Variants in SEMA4B observed in about 807,000 individuals in gnomAD.
The protein encoded by SEMA4B is semaphorin-4B.
Under a neutral mutation model 88.1 loss-of-function variants are expected in SEMA4B, and 55 were observed. The observed-to-expected ratio is 0.62, with a 90% CI of 0.50 to 0.78. The LOEUF (loss-of-function observed/expected upper bound fraction) is 0.78. SEMA4B is among the 30% of genes least tolerant of loss of function. The pLI, the probability that SEMA4B is intolerant of heterozygous loss-of-function variation, is 0.00. For synonymous variants in SEMA4B, 525 were observed against 473.6 expected (o/e 1.11, Z -1.41); for missense variants, 1,062 against 1,111.9 (o/e 0.96, Z 0.64).
rs150106856 is a variant in SEMA4B at position 90,229,325 on chromosome 15, C to T, written c.*682C>T. 113 of 456,926 alleles carry T rather than the reference C, an allele frequency of 2.5e-4. No individual in the cohort carries two copies. Among genetic ancestry groups the T allele is most frequent in the African/African-American group, 1.8e-3 (90 of 50,200 alleles). 28.3% of individuals were successfully genotyped at this position (456,926 alleles called of 1,614,324 possible). The stretch of plus-strand genomic sequence containing the variant: ...GCTGTGGCCACACGAGAGGACAGCG[C>T]GAGCTCAGGAGAGATTTCGTGACAA... On this transcript the variant is annotated 3_prime_UTR_variant, in exon 14 of 14. Transcript: ENST00000411539.
chr15:90,202,723 C>T (rs1340103451), intron 1 of SEMA4B, among the ~76,000 whole-genome samples: 3 of 152,132 alleles, frequency 2.0e-5, no homozygotes, highest in Non-Finnish European at 2.9e-5. Context: ...CAGATGTATC[C>T]GCAAGCCCTT....
At position 90,219,773 on chromosome 15, in the gene SEMA4B, C is replaced by T. The variant is rs1177558880; in HGVS notation, c.385-20C>T. 5.0e-6 allele frequency: 8 copies of T among 1,600,926 alleles called. No homozygotes were observed. Among genetic ancestry groups the T allele is most frequent in the Non-Finnish European group, 6.8e-6 (8 of 1,170,264 alleles). On this transcript the variant is annotated intron_variant, in intron 3 of 13. Coordinates refer to ENST00000411539, the MANE Select transcript of SEMA4B (RefSeq NM_198925.4). ...CATGCTTGGGCGTGGGACTGATATC[C>T]CCTCGCTCCTTCCCCCCAGCGCGAC...
chr15:90,191,717 C>T (rs946707241), intron 1 of SEMA4B, among the ~76,000 whole-genome samples: 38 of 152,152 alleles, frequency 2.5e-4, no homozygotes, highest in Admixed American at 1.6e-3. Context: ...GTTTGGGGAA[C>T]GGAGATGAAG....
chr15:90,228,568 C>T lies in SEMA4B; in HGVS notation c.2439C>T (p.Ser813=). Residue 813 remains serine, a synonymous_variant, in exon 14 of 14, where the codon AGC becomes AGT. Coordinates refer to ENST00000411539, the MANE Select transcript of SEMA4B (RefSeq NM_198925.4). ...AGAGGCCACTCAGCATCCAAGACAG[C>T]TTCGTGGAGGTATCCCCAGTGTGCC... ...SEKRPLSIQD[S]FVEVSPVCPR... 1 of 1,613,604 alleles carries T rather than the reference C, an allele frequency of 6.2e-7. No individual in the cohort carries two copies. The highest frequency in any genetic ancestry group is 1.7e-4 in the Middle Eastern group (1 of 6,060).
upstream of SEMA4B, chr15:90,201,262 A>C: frequency 9.7e-7 from 1 of 1,031,214 alleles, no homozygotes; most frequent in Non-Finnish European, 1.2e-6. Flanking sequence ...CCCGGGAAGG[A>C]GGAAGGGGGA....
Position 90,228,779 on chromosome 15 carries a change from C to A in SEMA4B, c.*136C>A. ...CGGCCCTTGGGAGCCTTGGGGCCAG[C>A]TGGCCTGCTGCTCTCCAGTCAAGTA... is the stretch of plus-strand genomic sequence containing the variant. On this transcript the variant is annotated 3_prime_UTR_variant, in exon 14 of 14. Coordinates refer to ENST00000411539, the MANE Select transcript of SEMA4B (RefSeq NM_198925.4). 1 of 1,133,992 alleles carries A rather than the reference C, an allele frequency of 8.8e-7. No individual in the cohort carries two copies. The highest frequency in any genetic ancestry group is 1.2e-6 in the Non-Finnish European group (1 of 811,362). 70.2% of individuals were successfully genotyped at this position (1,133,992 alleles called of 1,614,324 possible). A position where few individuals can be genotyped will look rare whatever the true frequency, so the allele number is the denominator to read the frequency against.
upstream of SEMA4B, among the ~76,000 whole-genome samples, chr15:90,200,983 C>T (rs560557820): frequency 1.3e-5 from 2 of 152,312 alleles, no homozygotes; most frequent in South Asian, 4.1e-4. Context: ...GGGAGGAGAC[C>T]AAGGCCTAAT....
At chr15:90,205,399 G>A (rs1198512518) in intron 1 of SEMA4B, among the ~76,000 whole-genome samples, 1 of 152,202 alleles carries the variant, frequency 6.6e-6, no homozygotes, top group Non-Finnish European at 1.5e-5. Flanking sequence ...CTATGGGCCA[G>A]CATCTCTTTG....
At position 90,201,800 on chromosome 15, in the gene SEMA4B, C is replaced by T. The variant is rs1203041037; in HGVS notation, c.157+65C>T. 3.7e-6 allele frequency: 5 copies of T among 1,349,102 alleles called. No individual in the cohort carries two copies. In the African/African-American group the frequency reaches 7.7e-5, roughly 21 times the overall value. 83.6% of individuals were successfully genotyped at this position (1,349,102 alleles called of 1,614,324 possible). A position where few individuals can be genotyped will look rare whatever the true frequency, so the allele number is the denominator to read the frequency against. The stretch of plus-strand genomic sequence containing the variant: ...AAGGCTGCCGGGGACGTGCCTCGTG[C>T]GGAGGTGGCCGTGACAAAGGACCAA... On this transcript the variant is annotated intron_variant, in intron 1 of 13. Transcript: ENST00000411539.
At chr15:90,189,933 G>C (rs1239838767) in intron 1 of SEMA4B, among the ~76,000 whole-genome samples, 1 of 152,188 alleles carries the variant, frequency 6.6e-6, no homozygotes, top group Non-Finnish European at 1.5e-5. Context: ...GAGGTGGCTG[G>C]GAGGAGCAAG....
Position 90,220,091 on chromosome 15 carries a change from G to A in SEMA4B, c.483+200G>A, listed in dbSNP as rs962398502. The A allele has an allele frequency of 2.6e-5, 14 of 537,134 alleles. No individual in the cohort carries two copies. In the South Asian group the frequency reaches 2.7e-4, roughly 10 times the overall value. The allele number at this position is 537,134 out of a possible 1,614,324, so 33.3% of individuals were successfully genotyped here. ...CCTGACAGCCATGTCTCCCTGTGCG[G>A]GGAGGCGGGGGCACATGCGGTCACT... On this transcript the variant is annotated intron_variant, in intron 4 of 13. Coordinates refer to ENST00000411539, the MANE Select transcript of SEMA4B (RefSeq NM_198925.4).
intron 1 of SEMA4B, chr15:90,214,924 T>G: frequency 8.1e-7 from 1 of 1,232,956 alleles, no homozygotes. Flanking sequence ...CTCCCCACCC[T>G]TTATGGAACC....
chr15:90,221,253 T>G, intron 5 of SEMA4B, 114 bp from the exon 6 acceptor site: 1 of 1,163,916 alleles, frequency 8.6e-7, no homozygotes, highest in Middle Eastern at 2.1e-4. Flanking sequence ...AGTTCCAGCT[T>G]CCTTCTCTGC....
chr15:90,188,960 C>T lies in SEMA4B; in HGVS notation c.-122+3879C>T, dbSNP rs372482653. On this transcript the variant is annotated intron_variant, in intron 1 of 14. Transcript: ENST00000332496. ...CTGGGATTATAGGCATGAGCCACCGCGCCCAGCCAGGATGAATATTCTCTG... is the reference window on the plus strand; with the variant it reads ...CTGGGATTATAGGCATGAGCCACCGTGCCCAGCCAGGATGAATATTCTCTG... 3.3e-5 allele frequency among the ~76,000 whole-genome samples: 5 copies of T among 152,254 alleles called. No individual in the cohort carries two copies. The South Asian group carries it at 6.2e-4, about 19-fold the overall frequency.
Position 90,201,454 on chromosome 15 carries a change from C to G in SEMA4B, c.-125C>G, listed in dbSNP as rs1052671322. On this transcript the variant is annotated 5_prime_UTR_variant, in exon 1 of 14. Coordinates refer to ENST00000411539, the MANE Select transcript of SEMA4B (RefSeq NM_198925.4). ...GACCCTGTTTCCCACCTCCCGCCCC[C>G]CAGGTCCGGAGGCGGGGGCCCCCGG... is the stretch of plus-strand genomic sequence containing the variant. 6.6e-5 allele frequency: 86 copies of G among 1,301,746 alleles called. No individual in the cohort carries two copies. In the African/African-American group the frequency reaches 1.1e-3, roughly 17 times the overall value. The allele number at this position is 1,301,746 out of a possible 1,614,324, so 80.6% of individuals were successfully genotyped here.
intron 1 of SEMA4B, among the ~76,000 whole-genome samples, chr15:90,195,072 T>G: frequency 1.3e-5 from 2 of 151,982 alleles, no homozygotes; most frequent in Non-Finnish European, 2.9e-5. Context: ...ACATTCAATC[T>G]TCAATCAAGG....
At chr15:90,194,313 C>T (rs1408562551) in intron 1 of SEMA4B, among the ~76,000 whole-genome samples, 1 of 151,902 alleles carries the variant, frequency 6.6e-6, no homozygotes, top group African/African-American at 2.4e-5. Context: ...AGGTGGCTCA[C>T]CTGAGGTCAA....
At chr15:90,218,112 T>C (rs1961626127) in intron 3 of SEMA4B, among the ~76,000 whole-genome samples, 1 of 152,186 alleles carries the variant, frequency 6.6e-6, no homozygotes, top group Non-Finnish European at 1.5e-5. Flanking sequence ...AGGAAGCTAA[T>C]AGGTGTAAGG....
upstream of SEMA4B, among the ~76,000 whole-genome samples, chr15:90,197,373 G>T (rs997280483): frequency 6.6e-6 from 1 of 152,094 alleles, no homozygotes; most frequent in Admixed American, 6.5e-5. Context: ...CTGGGTGACA[G>T]AGTGAGACCC....
Sources: gnomAD v4.1 joint callset for allele counts (sites outside exome capture counted in the v4.1 genomes callset) on GRCh38, gnomAD v4.1.1 for gene constraint, MANE v1.5 for transcripts, NCBI Gene and HGNC (gene_info 2026-07-23, HGNC 2026-07-21) for gene names.